The following TCEA3 variants were observed in gnomAD, a reference collection of about 807,000 sequenced individuals.
TCEA3 encodes the protein transcription elongation factor A protein 3.
A neutral mutation model predicts 44.0 loss-of-function variants in TCEA3; 36 were observed. The observed-to-expected ratio is 0.82, with a 90% confidence interval of 0.63 to 1.08. TCEA3 has a LOEUF of 1.08. Ranked by LOEUF, TCEA3 falls within the 50% of genes least tolerant of loss-of-function variation. The probability of loss-of-function intolerance (pLI) is 0.00; values close to 1 mark genes in which losing one functional copy is unlikely to be tolerated. For synonymous variants in TCEA3, 162 were observed against 159.7 expected, an observed-to-expected ratio of 1.01 and a Z score of -0.11; for missense variants, 392 against 441.2, an observed-to-expected ratio of 0.89 and a Z score of 1.00.
intron 9 of TCEA3, among the ~76,000 whole-genome samples, chr1:23,386,163 T>G (rs971117194): frequency 6.6e-6 from 1 of 152,216 alleles, no homozygotes; most frequent in Non-Finnish European, 1.5e-5. Flanking sequence ...CACATTAGTG[T>G]ACCAAGGCTT....
rs537364168 is a variant in TCEA3, at chr1:23,381,324, G to A, written c.*142C>T. The A allele has an allele frequency of 1.5e-6, 1 of 676,878 alleles. No individual in the cohort carries two copies. The highest frequency in any genetic ancestry group is 2.7e-6 in the Non-Finnish European group (1 of 369,684). The allele number at this position is 676,878 out of a possible 1,614,324, so 41.9% of individuals were successfully genotyped here. A position where few individuals can be genotyped will look rare whatever the true frequency, so the allele number is the denominator to read the frequency against. On this transcript the variant is annotated 3_prime_UTR_variant, in exon 11 of 11. Transcript: ENST00000450454. ...AATGACCGATTATTAATTTGCAAGA[G>A]AATTCTTCCTCTAACTCATACCATC...
At chr1:23,393,743 G>T (rs1159855511) in intron 8 of TCEA3, 136 bp downstream of exon 8, 1 of 1,167,332 alleles carries the variant, frequency 8.6e-7, no homozygotes, top group African/African-American at 1.5e-5. Flanking sequence ...AGAGCCCAGG[G>T]GGGAGGCTGA....
intron 8 of TCEA3, among the ~76,000 whole-genome samples, chr1:23,392,405 T>TCATGCACAATACACACACACTCCACA (rs1558030120): frequency 1.7e-4 from 3 of 17,964 alleles, no homozygotes; most frequent in African/African-American, 2.6e-4. Context: ...ACTCCACACA[T>TCATGCACAATACACACACACTCCACA]CATCATGCAC....
rs373905280 is a variant in TCEA3, at chr1:23,393,404, T to TACACACCC, written c.819+474_819+475insGGGTGTGT. Among the ~76,000 whole-genome samples, 659 of 151,694 alleles carry TACACACCC rather than the reference T, an allele frequency of 4.3e-3. 8 individuals are homozygous for TACACACCC. Among genetic ancestry groups the TACACACCC allele is most frequent in the African/African-American group, 0.015 (622 of 41,334 alleles). On this transcript the variant is annotated intron_variant, in intron 8 of 10. Coordinates refer to ENST00000450454, the MANE Select transcript of TCEA3 (RefSeq NM_003196.3). ...ACATACCACACATGCACTCCACATA[T>TACACACCC]ACACACCACACACACACCCCACATA...
chr1:23,381,236 T>C lies in TCEA3; in HGVS notation c.*230A>G. ...AGCCCTCTGCAGTTTCTAAAAGAGG[T>C]TCATCAATACAAATTCTCAGCATCA... On this transcript the variant is annotated 3_prime_UTR_variant, in exon 11 of 11. Transcript: ENST00000450454. The C allele has an allele frequency of 1.8e-6, 1 of 561,718 alleles. No homozygotes were observed. The allele number at this position is 561,718 out of a possible 1,614,324, so 34.8% of individuals were successfully genotyped here. A position where few individuals can be genotyped will look rare whatever the true frequency, so the allele number is the denominator to read the frequency against.
chr1:23,388,119 G>A (rs909868349), intron 8 of TCEA3, among the ~76,000 whole-genome samples: 1 of 152,048 alleles, frequency 6.6e-6, no homozygotes, highest in Non-Finnish European at 1.5e-5. Context: ...CCAGAGGACA[G>A]CAGAGAGGGA....
In TCEA3 at chr1:23,417,249, C is replaced by T. The variant is rs1639918492; in HGVS notation, c.380G>A (p.Arg127Lys). The change falls in exon 4 of 11, where the codon AGG (arginine) becomes AAG (lysine). Residue 127 changes from arginine (R) to lysine (K), a missense_variant and splice_region_variant. Arg to Lys is a conservative substitution (Grantham distance 26). Coordinates refer to ENST00000450454, the MANE Select transcript of TCEA3 (RefSeq NM_003196.3). ...TTCTCTCCATCCCAAAAAAGAATAC[C>T]TGGTTTTGGGGTCTTCTCGTTTTTT... ...PRKKREDPKTRRDSVDSKSSA... is the reference protein window; with the variant it reads ...PRKKREDPKTKRDSVDSKSSA... The T allele has an allele frequency of 1.2e-6, 2 of 1,612,108 alleles. No homozygotes were observed. Among genetic ancestry groups the T allele is most frequent in the Admixed American group, 1.7e-5 (1 of 59,502 alleles).
chr1:23,382,471 A>G (rs634340), intron 10 of TCEA3, among the ~76,000 whole-genome samples: 127,360 of 152,236 alleles, frequency 0.84, 54,811 homozygotes, highest in Non-Finnish European at 0.93. Context: ...GCATGTCTGT[A>G]CTCAGGGCTT....
intron 8 of TCEA3, among the ~76,000 whole-genome samples, chr1:23,391,729 C>G (rs1639033679): frequency 6.6e-6 from 1 of 151,998 alleles, no homozygotes; most frequent in Non-Finnish European, 1.5e-5. Context: ...TTGAGACCAG[C>G]CTGGCCAACA....
At position 23,417,312 on chromosome 1, in the gene TCEA3, G is replaced by A. The variant is rs746891998; in HGVS notation, c.317C>T (p.Ser106Leu). ...AKKKEKGLEC[S>L]DWKPEAGLSP... The stretch of plus-strand genomic sequence containing the variant: ...AAGGCCTGCTTCTGGCTTCCAGTCT[G>A]AACACTCAAGCCCTTTTTCCTTCTT... Residue 106 changes from serine to leucine, a missense_variant, in exon 4 of 11, where the codon TCA becomes TTA. Physicochemically the swap from Ser to Leu is moderately radical, Grantham distance 145. Transcript: ENST00000450454. The A allele has an allele frequency of 9.0e-5, 146 of 1,613,882 alleles. No homozygotes were observed. The highest frequency in any genetic ancestry group is 1.2e-4 in the Non-Finnish European group (138 of 1,179,916).
rs571013970 is a variant in TCEA3 at position 23,384,172 on chromosome 1, C to G, written c.1038+174G>C. ...AAATGAAAACATGCATGTGTGTTCT[C>G]TCCCCACCTCCCCAACAGCAATCCG... On this transcript the variant is annotated intron_variant, in intron 10 of 10. Transcript: ENST00000450454. The G allele has an allele frequency of 3.2e-5, 46 of 1,450,682 alleles. No individual in the cohort carries two copies. The African/African-American group carries it at 6.3e-4, about 20-fold the overall frequency. The allele number at this position is 1,450,682 out of a possible 1,614,324, so 89.9% of individuals were successfully genotyped here.
At position 23,397,846 on chromosome 1, in the gene TCEA3, C is replaced by G. The variant is rs749036794; in HGVS notation, c.553G>C (p.Asp185His). ...CLLAPCYLTG[D>H]SVRDKCVEML... is the part of the protein sequence containing the mutation. Reference sequence around the variant, plus strand: ...TCCACACACTTGTCCCGGACAGAGTCCCCTGTGAGATAGCAGGGGGCCAGG... The same window carrying G: ...TCCACACACTTGTCCCGGACAGAGTGCCCTGTGAGATAGCAGGGGGCCAGG... The change falls in exon 6 of 11, where the codon GAC (aspartate) becomes CAC (histidine). Residue 185 changes from aspartate to histidine, a missense_variant. By Grantham distance (81) the Asp-to-His change is moderately conservative (BLOSUM62 -1). Coordinates refer to ENST00000450454, the MANE Select transcript of TCEA3 (RefSeq NM_003196.3). 1 of 1,613,986 alleles carries G rather than the reference C, an allele frequency of 6.2e-7. No homozygotes were observed. Among genetic ancestry groups the G allele is most frequent in the Non-Finnish European group, 8.5e-7 (1 of 1,179,896 alleles).
rs780629935 is a variant in TCEA3 at position 23,381,459 on chromosome 1, T to A, written c.*7A>T. Reference sequence around the variant, plus strand: ...CTTCCTCACCTTGTTCATGGCTGGCTGTTCCATCAGCAGAACTACAAAACC... The same window carrying A: ...CTTCCTCACCTTGTTCATGGCTGGCAGTTCCATCAGCAGAACTACAAAACC... On this transcript the variant is annotated 3_prime_UTR_variant, in exon 11 of 11. Transcript: ENST00000450454. The A allele has an allele frequency of 2.0e-5, 16 of 780,802 alleles. No individual in the cohort carries two copies. The highest frequency in any genetic ancestry group is 3.8e-5 in the Non-Finnish European group (16 of 417,992). The allele number at this position is 780,802 out of a possible 1,614,324, so 48.4% of individuals were successfully genotyped here.
chr1:23,397,679 G>A (rs1241942030), intron 6 of TCEA3, 78 bp from the exon 7 acceptor site: 1 of 1,604,020 alleles, frequency 6.2e-7, no homozygotes, highest in African/African-American at 1.3e-5. Context: ...TGGGACTAGA[G>A]TGTTCCTGTA....
At chr1:23,400,588 G>A (rs1025597618) in intron 5 of TCEA3, among the ~76,000 whole-genome samples, 2 of 152,120 alleles carry the variant, frequency 1.3e-5, no homozygotes, top group African/African-American at 4.8e-5. Flanking sequence ...CAGGAAGTCA[G>A]GAAGTCTCTG....
At chr1:23,405,483 C>A (rs1407628393) in intron 5 of TCEA3, among the ~76,000 whole-genome samples, 3 of 151,992 alleles carry the variant, frequency 2.0e-5, no homozygotes, top group Non-Finnish European at 4.4e-5. Context: ...GTAGTCCCAG[C>A]TACTTTGGAG....
At chr1:23,417,065 T>G (rs750864090) in intron 4 of TCEA3, among the ~76,000 whole-genome samples, 184 bp downstream of exon 4, 2 of 152,226 alleles carry the variant, frequency 1.3e-5, no homozygotes, top group Non-Finnish European at 2.9e-5. Context: ...TTATGTCCTA[T>G]TTGGGTCTTG....
intron 5 of TCEA3, among the ~76,000 whole-genome samples, chr1:23,406,545 C>T (rs1006966124): frequency 6.6e-6 from 1 of 152,148 alleles, no homozygotes; most frequent in Non-Finnish European, 1.5e-5. Flanking sequence ...CACACCCACT[C>T]CTTTATCCAC....
chr1:23,399,152 A>G (rs182342482), intron 5 of TCEA3, among the ~76,000 whole-genome samples: 49 of 91,898 alleles, frequency 5.3e-4, no homozygotes, highest in African/African-American at 2.0e-3. Flanking sequence ...ATGTATATAT[A>G]TATATATATA....
Sources: allele counts gnomAD v4.1 joint callset (sites outside exome capture counted in the v4.1 genomes callset), GRCh38; gene constraint gnomAD v4.1.1; transcripts MANE v1.5; gene names NCBI Gene and HGNC (gene_info 2026-07-23, HGNC 2026-07-21).